Variants in RALGAPA1 observed in about 807,000 individuals in gnomAD.
The protein encoded by RALGAPA1 is ral GTPase-activating protein subunit alpha-1.
Under a neutral mutation model 269.6 loss-of-function variants are expected in RALGAPA1, and 52 were observed. The observed-to-expected ratio is 0.19, with a 90% CI of 0.15 to 0.24. The LOEUF (loss-of-function observed/expected upper bound fraction) is 0.24. Ranked by LOEUF, RALGAPA1 falls within the 10% of genes least tolerant of loss-of-function variation. RALGAPA1 has a pLI of 1.00. For synonymous variants in RALGAPA1, 817 were observed against 1,008.3 expected (o/e 0.81, Z 3.60); for missense variants, 1,917 against 3,013.9 (o/e 0.64, Z 8.52).
At chr14:35,548,562 C>A in intron 40 of RALGAPA1, 24 bp from the exon 41 acceptor site, 1 of 1,515,858 alleles carries the variant, frequency 6.6e-7, no homozygotes, top group South Asian at 1.2e-5. Context: ...ATAAATGAAA[C>A]AATCATAAGG....
At chr14:35,686,463 G>T in intron 19 of RALGAPA1, 79 bp downstream of exon 19, 2 of 1,023,414 alleles carry the variant, frequency 2.0e-6, no homozygotes, top group Non-Finnish European at 2.6e-6. Context: ...TATATAAATT[G>T]ACATATATGT....
At chr14:35,561,137 G>A (rs981376307) in intron 39 of RALGAPA1, among the ~76,000 whole-genome samples, 1 of 136,974 alleles carries the variant, frequency 7.3e-6, no homozygotes, top group African/African-American at 2.6e-5. Context: ...TGAGGCAGGA[G>A]AAACGCTTGA....
chr14:35,715,789 C>T, intron 16 of RALGAPA1: 1 of 985,366 alleles, frequency 1.0e-6, no homozygotes, highest in South Asian at 4.7e-5. Context: ...GAAGCTTGCT[C>T]AAGTCTCAGT....
chr14:35,630,316 C>T (rs1452332929), intron 33 of RALGAPA1, among the ~76,000 whole-genome samples: 1 of 150,930 alleles, frequency 6.6e-6, no homozygotes, highest in East Asian at 1.9e-4. Context: ...GGGACAGAGT[C>T]TTGCTGTGTC....
At position 35,597,727 on chromosome 14, in the gene RALGAPA1, C is replaced by T. The variant is rs1038252632; in HGVS notation, c.7054-1938G>A. Among the ~76,000 whole-genome samples, 4 of 152,140 alleles carry T rather than the reference C, an allele frequency of 2.6e-5. No individual in the cohort carries two copies. The East Asian group carries it at 5.8e-4, about 22-fold the overall frequency. On this transcript the variant is annotated intron_variant, in intron 36 of 41. Transcript: ENST00000680220. Reference sequence around the variant, plus strand: ...ACTCTATCCCCTCCTTAACCCCTGGCAATCACTCACTCATCTGTTCTTCAC... The same window carrying T: ...ACTCTATCCCCTCCTTAACCCCTGGTAATCACTCACTCATCTGTTCTTCAC...
chr14:35,612,936 G>A (rs1182419039), intron 35 of RALGAPA1, among the ~76,000 whole-genome samples: 1 of 152,000 alleles, frequency 6.6e-6, no homozygotes, highest in East Asian at 1.9e-4. Flanking sequence ...TGCTATGAGT[G>A]ATGCCATCAT....
intron 37 of RALGAPA1, among the ~76,000 whole-genome samples, chr14:35,589,252 A>T (rs2058490722): frequency 6.6e-6 from 1 of 152,196 alleles, no homozygotes; most frequent in Non-Finnish European, 1.5e-5. Flanking sequence ...GTCATCACTT[A>T]TGGGGAAGAG....
At chr14:35,653,198 A>G (rs2062959168) in intron 30 of RALGAPA1, among the ~76,000 whole-genome samples, 1 of 152,138 alleles carries the variant, frequency 6.6e-6, no homozygotes, top group Non-Finnish European at 1.5e-5. Flanking sequence ...AGGAGGGGAG[A>G]TTGGGGACAG....
In RALGAPA1 at chr14:35,538,737, T is replaced by C. The variant is rs892832718; in HGVS notation, c.*977A>G. On this transcript the variant is annotated 3_prime_UTR_variant, in exon 42 of 42. Transcript: ENST00000680220. ...ATTTATATCAGAAAATTTTCCTTCTTTTCTTCCCCATCTTCTTTTTGGTGC... is the reference window on the plus strand; with the variant it reads ...ATTTATATCAGAAAATTTTCCTTCTCTTCTTCCCCATCTTCTTTTTGGTGC... The C allele has an allele frequency of 6.6e-6, 1 of 151,842 alleles. No homozygotes were observed. Among genetic ancestry groups the C allele is most frequent in the Admixed American group, 6.6e-5 (1 of 15,236 alleles). 9.4% of individuals were successfully genotyped at this position (151,842 alleles called of 1,614,324 possible).
chr14:35,612,510 C>T (rs899306307), intron 35 of RALGAPA1, among the ~76,000 whole-genome samples: 1 of 150,260 alleles, frequency 6.7e-6, no homozygotes, highest in African/African-American at 2.4e-5. Flanking sequence ...AAGGATCTTA[C>T]ATTAGGCGAG....
intron 2 of RALGAPA1, 114 bp downstream of exon 2, chr14:35,775,521 C>A: frequency 7.4e-7 from 1 of 1,342,300 alleles, no homozygotes; most frequent in Non-Finnish European, 9.8e-7. Flanking sequence ...AGAGGGAAAG[C>A]AAAAAGCTGT....
At chr14:35,590,227 T>C (rs1017168354) in intron 37 of RALGAPA1, among the ~76,000 whole-genome samples, 1 of 152,234 alleles carries the variant, frequency 6.6e-6, no homozygotes. Flanking sequence ...TATGCTTTCA[T>C]AGACTTATTA....
intron 16 of RALGAPA1, 118 bp downstream of exon 16, chr14:35,721,570 G>T: frequency 1.1e-6 from 1 of 919,388 alleles, no homozygotes; most frequent in Non-Finnish European, 1.6e-6. Flanking sequence ...TGCTATAGCA[G>T]TTTTTCATTT....
intron 11 of RALGAPA1, 147 bp downstream of exon 11, chr14:35,742,221 A>T: frequency 1.5e-6 from 1 of 660,318 alleles, no homozygotes; most frequent in Non-Finnish European, 2.6e-6. Flanking sequence ...ATGACTACTT[A>T]TATTACCTAA....
At chr14:35,783,889 T>A (rs1262308362) in intron 1 of RALGAPA1, among the ~76,000 whole-genome samples, 1 of 152,158 alleles carries the variant, frequency 6.6e-6, no homozygotes, top group African/African-American at 2.4e-5. Flanking sequence ...CTATGATAGC[T>A]ATAATCAGAA....
rs1455786619 is a variant in RALGAPA1, at chr14:35,683,818, T to C, written c.4462A>G (p.Thr1488Ala). 4.4e-6 allele frequency: 7 copies of C among 1,596,706 alleles called. No homozygotes were observed. The highest frequency in any genetic ancestry group is 2.2e-5 in the East Asian group (1 of 44,556). Reference protein sequence around the residue: ...NQQAFSAEVATITGSESASPV... With the variant: ...NQQAFSAEVAAITGSESASPV... ...CCATGAATAACTTTACCAGTAATAG[T>C]TGCAACTTCAGCAGAGAAAGCTTGC... The change falls in exon 21 of 42, where the codon ACT becomes GCT. Residue 1488 changes from threonine (T) to alanine (A), a missense_variant. This residue lies in a region of RALGAPA1 where 615 missense variants were observed against 790.0 expected (regional missense o/e 0.78). Coordinates refer to ENST00000680220, the MANE Select transcript of RALGAPA1 (RefSeq NM_001346249.2).
At chr14:35,758,787 A>G (rs574576709) in intron 6 of RALGAPA1, among the ~76,000 whole-genome samples, 23 of 152,244 alleles carry the variant, frequency 1.5e-4, no homozygotes, top group Non-Finnish European at 3.4e-4. Flanking sequence ...CCTCTCTATA[A>G]TGAGAGGCAG....
chr14:35,705,794 C>T (rs2067755474), intron 16 of RALGAPA1, among the ~76,000 whole-genome samples: 1 of 152,198 alleles, frequency 6.6e-6, no homozygotes, highest in South Asian at 2.1e-4. Context: ...GTTCCCATTG[C>T]TACACTTCCC....
In RALGAPA1 at chr14:35,610,326, AGGCT is replaced by A. The variant is rs1382421743; in HGVS notation, c.6930-4621_6930-4618del. On this transcript the variant is annotated intron_variant, in intron 35 of 41. Transcript: ENST00000680220. The stretch of plus-strand genomic sequence containing the variant: ...GAGATGGAGTCTCGCTCTCTCGCCC[AGGCT>A]GGAGTGCAGTGGTGTGATCTCTGCT... Among the ~76,000 whole-genome samples, 4 of 148,742 alleles carry A rather than the reference AGGCT, an allele frequency of 2.7e-5. No homozygotes were observed. The Admixed American group carries it at 2.7e-4, about 10-fold the overall frequency.
Sources: allele counts gnomAD v4.1 joint callset (sites outside exome capture counted in the v4.1 genomes callset), GRCh38; gene constraint gnomAD v4.1.1; regional missense constraint gnomAD v4.1.1; transcripts MANE v1.5; gene names NCBI Gene and HGNC (gene_info 2026-07-23, HGNC 2026-07-21).